The following DRC8 variants were observed in gnomAD, a reference collection of about 807,000 sequenced individuals.
DRC8 encodes the protein dynein regulatory complex protein 8.
At chr1:245,058,050 T>C in the DRC8 span, among the ~76,000 whole-genome samples, 1 of 152,008 alleles carries the variant, frequency 6.6e-6, no homozygotes, top group East Asian at 1.9e-4. Context: ...TGTGTTGCCC[T>C]CCTTCAAAAC....
chr1:245,022,765 A>G, the DRC8 span, among the ~76,000 whole-genome samples: 2 of 152,122 alleles, frequency 1.3e-5, no homozygotes, highest in African/African-American at 4.8e-5. Context: ...GTGGTAAAAT[A>G]TAGATAACCT....
chr1:245,107,819 A>C, the DRC8 span, among the ~76,000 whole-genome samples: 1 of 152,048 alleles, frequency 6.6e-6, no homozygotes, highest in Non-Finnish European at 1.5e-5. Context: ...CCCAGCCCAG[A>C]TTCCCTCCAA....
the DRC8 span, among the ~76,000 whole-genome samples, chr1:244,992,051 C>T: frequency 1.3e-5 from 2 of 152,222 alleles, no homozygotes; most frequent in African/African-American, 4.8e-5. Flanking sequence ...TTCTAACTAG[C>T]AAACGCAGTT....
chr1:245,063,207 C>T, the DRC8 span, among the ~76,000 whole-genome samples: 1 of 152,138 alleles, frequency 6.6e-6, no homozygotes, highest in African/African-American at 2.4e-5. Context: ...CAGGTCTCCA[C>T]TTCACTCAGG....
At chr1:245,120,361 G>A in the DRC8 span, among the ~76,000 whole-genome samples, 4 of 152,098 alleles carry the variant, frequency 2.6e-5, no homozygotes, top group Non-Finnish European at 4.4e-5. Flanking sequence ...CCACCTCATC[G>A]ATCTCAATGT....
the DRC8 span, among the ~76,000 whole-genome samples, chr1:245,003,368 G>C: frequency 6.6e-6 from 1 of 152,204 alleles, no homozygotes. Flanking sequence ...CTACGATACT[G>C]GTTTCCAAAG....
chr1:245,024,394 A>G, the DRC8 span, among the ~76,000 whole-genome samples: 5 of 152,282 alleles, frequency 3.3e-5, no homozygotes, highest in East Asian at 3.9e-4. Context: ...AGATGTTGCT[A>G]TCTTGATGAT....
At chr1:245,114,018 A>C in the DRC8 span, among the ~76,000 whole-genome samples, 1 of 152,238 alleles carries the variant, frequency 6.6e-6, no homozygotes, top group East Asian at 1.9e-4. Context: ...GTTACATTTT[A>C]TTTTTCACAG....
the DRC8 span, among the ~76,000 whole-genome samples, chr1:244,999,058 C>CA: frequency 0.014 from 1,169 of 83,508 alleles, 21 homozygotes; most frequent in African/African-American, 0.035. Flanking sequence ...GATCCTGGGT[C>CA]AAAAAAAAAA....
chr1:245,108,991 T>A, the DRC8 span, among the ~76,000 whole-genome samples: 1 of 152,148 alleles, frequency 6.6e-6, no homozygotes, highest in Non-Finnish European at 1.5e-5. Flanking sequence ...TTGTTGTATT[T>A]GGGAGGAAAC....
At chr1:245,002,796 GA>G in the DRC8 span, among the ~76,000 whole-genome samples, 2,822 of 147,742 alleles carry the variant, frequency 0.019, 66 homozygotes, top group African/African-American at 0.063. Flanking sequence ...TTAAGTAAGA[GA>G]AAAAAAAATC....
chr1:245,108,651 G>C, the DRC8 span, among the ~76,000 whole-genome samples: 1 of 152,066 alleles, frequency 6.6e-6, no homozygotes, highest in African/African-American at 2.4e-5. Flanking sequence ...ATGTTGTGCT[G>C]GTCTCTCATA....
At chr1:245,027,605 A>T in the DRC8 span, among the ~76,000 whole-genome samples, 1 of 152,238 alleles carries the variant, frequency 6.6e-6, no homozygotes, top group East Asian at 1.9e-4. Context: ...GAATATAAAA[A>T]GTGTCAGTTG....
the DRC8 span, chr1:245,081,991 A>T: frequency 1.0e-6 from 1 of 996,564 alleles, no homozygotes; most frequent in South Asian, 1.4e-5. Flanking sequence ...CACCATCCAG[A>T]GTCTCTAGCA....
chr1:244,974,853 G>C, the DRC8 span, among the ~76,000 whole-genome samples: 2 of 152,032 alleles, frequency 1.3e-5, no homozygotes, highest in South Asian at 2.1e-4. Flanking sequence ...AAGCCACCAT[G>C]CCCGACTAAT....
chr1:245,104,960 C>G, the DRC8 span, among the ~76,000 whole-genome samples: 1 of 152,150 alleles, frequency 6.6e-6, no homozygotes, highest in Admixed American at 6.6e-5. Flanking sequence ...TTGTTCTTGT[C>G]TTTCATTTGT....
the DRC8 span, among the ~76,000 whole-genome samples, chr1:245,057,255 G>A: frequency 4.4e-3 from 663 of 152,250 alleles, 1 homozygote; most frequent in African/African-American, 0.015. Flanking sequence ...ATGTAAGGAG[G>A]CAGCTTTAGG....
At chr1:245,007,066 T>C in the DRC8 span, among the ~76,000 whole-genome samples, 2 of 152,188 alleles carry the variant, frequency 1.3e-5, no homozygotes, top group African/African-American at 4.8e-5. Flanking sequence ...GATCAGGGAA[T>C]CAGTAGAAGA....
At chr1:245,014,227 A>G in the DRC8 span, among the ~76,000 whole-genome samples, 13 of 150,596 alleles carry the variant, frequency 8.6e-5, no homozygotes, top group East Asian at 2.1e-3. Context: ...CTGACCTGGA[A>G]AATTGTTTGC....
Sources: allele counts gnomAD v4.1 joint callset (sites outside exome capture counted in the v4.1 genomes callset), GRCh38; gene constraint gnomAD v4.1.1; transcripts MANE v1.5; gene names NCBI Gene and HGNC (gene_info 2026-07-23, HGNC 2026-07-21).